The following PARVB variants were observed in gnomAD, a reference collection of about 807,000 sequenced individuals.
PARVB encodes the protein beta-parvin.
A neutral mutation model predicts 47.0 loss-of-function variants in PARVB; 46 were observed. The ratio of observed to expected loss-of-function variants is 0.98; its 90% CI spans 0.77 to 1.25. PARVB has a LOEUF of 1.25. PARVB is among the 50% of genes most tolerant of loss of function. The pLI is 0.00. For missense variants in PARVB, 473 were observed against 471.6 expected, an observed-to-expected ratio of 1.00 and a Z score of -0.03; for synonymous variants, 196 against 196.3, an observed-to-expected ratio of 1.00 and a Z score of 0.01.
chr22:43,999,312 T>G, exon 1 of PARVB: 1 of 1,537,712 alleles, frequency 6.5e-7, no homozygotes, highest in South Asian at 1.2e-5. Flanking sequence ...CCAGATAAAT[T>G]TACCTTTGGG....
intron 1 of PARVB, among the ~76,000 whole-genome samples, chr22:44,058,428 G>T (rs2051355080): frequency 6.6e-6 from 1 of 151,996 alleles, no homozygotes; most frequent in Non-Finnish European, 1.5e-5. Context: ...TCTCTCCCAT[G>T]TGGACACCAG....
chr22:44,119,987 C>A (rs1052242859), intron 4 of PARVB: 3 of 414,320 alleles, frequency 7.2e-6, no homozygotes, highest in Non-Finnish European at 1.5e-5. Context: ...TGGGTTCTCA[C>A]GATGCCTGGC....
rs569233308 is a variant in PARVB, at chr22:44,168,848, G to C, written c.*170G>C. The C allele has an allele frequency of 1.5e-5, 8 of 541,174 alleles. No individual in the cohort carries two copies. The highest frequency in any genetic ancestry group is 2.5e-5 in the Non-Finnish European group (8 of 314,070). The allele number at this position is 541,174 out of a possible 1,614,324, so 33.5% of individuals were successfully genotyped here. The stretch of plus-strand genomic sequence containing the variant: ...GCCTGCCCCACCCCCTGCCTCTTTT[G>C]GTTGTTGTTCTTAATCTCCTCTCCA... On this transcript the variant is annotated 3_prime_UTR_variant, in exon 13 of 13. Coordinates refer to ENST00000338758, the MANE Select transcript of PARVB (RefSeq NM_013327.5).
chr22:44,085,024 T>G (rs1250265144), intron 1 of PARVB, among the ~76,000 whole-genome samples: 1 of 152,276 alleles, frequency 6.6e-6, no homozygotes, highest in Non-Finnish European at 1.5e-5. Context: ...GCATCAGTAA[T>G]GCTGCTCTTG....
At chr22:44,055,174 G>C (rs2051283195) in intron 1 of PARVB, among the ~76,000 whole-genome samples, 1 of 151,976 alleles carries the variant, frequency 6.6e-6, no homozygotes, top group Admixed American at 6.6e-5. Context: ...CTGCTATCCA[G>C]CTTAAGAAAT....
chr22:44,079,539 G>A (rs2051852442), intron 1 of PARVB, among the ~76,000 whole-genome samples: 1 of 152,198 alleles, frequency 6.6e-6, no homozygotes, highest in African/African-American at 2.4e-5. Flanking sequence ...GAGGGTGAGG[G>A]AATCTGACCC....
At chr22:44,011,483 T>C (rs1369441207) in intron 2 of PARVB, among the ~76,000 whole-genome samples, 1 of 152,018 alleles carries the variant, frequency 6.6e-6, no homozygotes, top group Non-Finnish European at 1.5e-5. Context: ...TGGTGGTGCA[T>C]GCCTGTAATC....
chr22:44,095,997 G>C (rs1233030914), intron 2 of PARVB, among the ~76,000 whole-genome samples: 2 of 152,170 alleles, frequency 1.3e-5, no homozygotes, highest in Non-Finnish European at 2.9e-5. Context: ...GCTGTGGCAG[G>C]TGGATCACCT....
intron 1 of PARVB, among the ~76,000 whole-genome samples, chr22:44,028,438 A>G (rs193286817): frequency 3.3e-5 from 5 of 152,218 alleles, no homozygotes; most frequent in East Asian, 1.9e-4. Flanking sequence ...CTTCCACTCA[A>G]TGATATACAT....
chr22:44,105,299 A>G (rs1601607722), intron 3 of PARVB: 1 of 152,144 alleles, frequency 6.6e-6, no homozygotes, highest in Non-Finnish European at 1.5e-5. Flanking sequence ...CTGGCAGGGC[A>G]TTTCGGAGCT....
chr22:44,120,351 C>T (rs890068542), intron 4 of PARVB, among the ~76,000 whole-genome samples: 10 of 152,328 alleles, frequency 6.6e-5, no homozygotes, highest in South Asian at 2.1e-4. Context: ...CATCTGGAAC[C>T]GCCTTCCCTT....
In PARVB at chr22:44,047,659, TA is replaced by T. The variant is rs943873733; in HGVS notation, c.112+23216del. ...TTGGGCAACTGAGCCAGACTCCATC[TA>T]AAAAAAATAAAAAATAAAAAACCCA... On this transcript the variant is annotated intron_variant, in intron 1 of 12. Transcript: ENST00000338758. 3.3e-5 allele frequency among the ~76,000 whole-genome samples: 5 copies of T among 151,688 alleles called. No individual in the cohort carries two copies. In the East Asian group the frequency reaches 7.7e-4, roughly 23 times the overall value.
chr22:44,137,864 G>A (rs2053471195), intron 7 of PARVB, among the ~76,000 whole-genome samples: 1 of 152,174 alleles, frequency 6.6e-6, no homozygotes, highest in Non-Finnish European at 1.5e-5. Context: ...GTCAAAGTGA[G>A]TCACAGGTCA....
intron 5 of PARVB, 22 bp downstream of exon 5, chr22:44,131,649 G>T: frequency 6.3e-7 from 1 of 1,596,574 alleles, no homozygotes; most frequent in African/African-American, 1.3e-5. Flanking sequence ...GCCACAGGGG[G>T]AGGGACTGTC....
At chr22:44,020,931 C>T (rs1301321555), upstream of PARVB, among the ~76,000 whole-genome samples, 1 of 152,128 alleles carries the variant, frequency 6.6e-6, no homozygotes, top group East Asian at 1.9e-4. Context: ...CAGACATGCA[C>T]CACCATACCT....
intron 1 of PARVB, among the ~76,000 whole-genome samples, chr22:44,035,374 T>C (rs200074624): frequency 0.2 from 27,915 of 142,842 alleles, 3,177 homozygotes; most frequent in Non-Finnish European, 0.26. Context: ...TTTCCTTTTT[T>C]TTTTTTTTTT....
intron 1 of PARVB, among the ~76,000 whole-genome samples, chr22:44,050,776 T>C (rs111888009): frequency 6.6e-6 from 1 of 152,062 alleles, no homozygotes; most frequent in Middle Eastern, 3.2e-3. Flanking sequence ...CTCTGAACAC[T>C]GTGCTGATGG....
chr22:44,100,185 A>G, intron 3 of PARVB, 62 bp downstream of exon 3: 2 of 1,339,766 alleles, frequency 1.5e-6, no homozygotes, highest in Non-Finnish European at 2.2e-6. Flanking sequence ...TTTGGGGTTC[A>G]GGGCTCTCAT....
At chr22:44,093,295 C>T (rs532253261) in intron 1 of PARVB, among the ~76,000 whole-genome samples, 51 of 152,292 alleles carry the variant, frequency 3.3e-4, no homozygotes, top group African/African-American at 1.2e-3. Context: ...ACTGGGCGTT[C>T]CAGATCCTGT....
Sources: gnomAD v4.1 joint callset for allele counts (sites outside exome capture counted in the v4.1 genomes callset) on GRCh38, gnomAD v4.1.1 for gene constraint, MANE v1.5 for transcripts, NCBI Gene and HGNC (gene_info 2026-07-23, HGNC 2026-07-21) for gene names.